SEMA3D: variants seen among roughly 807,000 people sequenced by gnomAD.
SEMA3D encodes semaphorin 3D, also known as semaphorin-3D.
In SEMA3D, 84 loss-of-function variants were observed where a neutral mutation model predicts 100.1. That is an observed-to-expected ratio of 0.84 (90% CI 0.70 to 1.01). The LOEUF is 1.01. Ranked by LOEUF, SEMA3D falls within the 50% of genes least tolerant of loss-of-function variation. The probability of loss-of-function intolerance (pLI) is 0.00; values close to 1 mark genes in which losing one functional copy is unlikely to be tolerated. For synonymous variants in SEMA3D, 312 were observed against 320.7 expected (o/e 0.97, Z 0.29); for missense variants, 875 against 934.1 (o/e 0.94, Z 0.82).
At chr7:85,108,912 A>C (rs967105183) in intron 3 of SEMA3D, among the ~76,000 whole-genome samples, 1 of 151,892 alleles carries the variant, frequency 6.6e-6, no homozygotes, top group African/African-American at 2.4e-5. Flanking sequence ...AAAGAAGTGA[A>C]GTACAATAAT....
chr7:85,069,720 CATTT>C (rs1562804752), intron 6 of SEMA3D, among the ~76,000 whole-genome samples: 1 of 152,104 alleles, frequency 6.6e-6, no homozygotes, highest in Admixed American at 6.6e-5. Context: ...AGTAAGAAAA[CATTT>C]ATTTATCACA....
chr7:85,011,622 A>C (rs1789955715), intron 17 of SEMA3D, among the ~76,000 whole-genome samples: 1 of 151,728 alleles, frequency 6.6e-6, no homozygotes, highest in Non-Finnish European at 1.5e-5. Flanking sequence ...TATCCTCAAT[A>C]CCTATAATCA....
chr7:85,077,458 T>A (rs572312538), intron 5 of SEMA3D, among the ~76,000 whole-genome samples: 2 of 152,136 alleles, frequency 1.3e-5, no homozygotes, highest in South Asian at 4.1e-4. Flanking sequence ...ATATTATATA[T>A]GTTTTATAAG....
At chr7:85,007,484 T>C (rs1164386864) in intron 17 of SEMA3D, among the ~76,000 whole-genome samples, 1 of 151,820 alleles carries the variant, frequency 6.6e-6, no homozygotes, top group Non-Finnish European at 1.5e-5. Context: ...TAATACTCAA[T>C]ATCTGGGCCT....
chr7:85,113,325 A>G (rs1035232950), intron 3 of SEMA3D, among the ~76,000 whole-genome samples: 5 of 152,182 alleles, frequency 3.3e-5, no homozygotes, highest in Non-Finnish European at 5.9e-5. Flanking sequence ...AGAATTCGCC[A>G]CATGAACTGA....
chr7:85,119,561 C>T (rs768884108), intron 3 of SEMA3D, among the ~76,000 whole-genome samples: 1 of 151,964 alleles, frequency 6.6e-6, no homozygotes, highest in South Asian at 2.1e-4. Flanking sequence ...TAACCAATGA[C>T]AACACGTGGA....
upstream of SEMA3D, among the ~76,000 whole-genome samples, chr7:85,190,742 A>T (rs185796507): frequency 2.6e-4 from 40 of 152,302 alleles, no homozygotes; most frequent in Non-Finnish European, 5.3e-4. Context: ...CATCAGATAA[A>T]GACAGAAAAC....
chr7:85,028,375 C>T (rs1227491421), intron 12 of SEMA3D: 4 of 336,960 alleles, frequency 1.2e-5, no homozygotes, highest in Non-Finnish European at 2.0e-5. Flanking sequence ...CTATTGCTTA[C>T]AGTTTAGACA....
At chr7:85,168,082 G>T (rs571995367) in intron 1 of SEMA3D, among the ~76,000 whole-genome samples, 1 of 151,912 alleles carries the variant, frequency 6.6e-6, no homozygotes, top group South Asian at 2.1e-4. Flanking sequence ...AAGTTTGACA[G>T]AATTTTATAC....
the SEMA3D span, among the ~76,000 whole-genome samples, chr7:85,222,218 G>A: frequency 6.6e-6 from 1 of 151,902 alleles, no homozygotes; most frequent in Non-Finnish European, 1.5e-5. Flanking sequence ...TTTTGAAGGT[G>A]ATTTGATATT....
upstream of SEMA3D, among the ~76,000 whole-genome samples, chr7:85,189,270 G>A (rs12537371): frequency 0.011 from 1,743 of 152,122 alleles, 75 homozygotes; most frequent in East Asian, 0.14. Flanking sequence ...TGTGTTAAAC[G>A]AGTTAATAAA....
chr7:85,191,079 TG>T (rs1791684786), upstream of SEMA3D, among the ~76,000 whole-genome samples: 1 of 152,106 alleles, frequency 6.6e-6, no homozygotes, highest in Non-Finnish European at 1.5e-5. Flanking sequence ...TTTACTTAGC[TG>T]GGTTGGGGTG....
At chr7:85,051,595 A>G (rs918409715) in intron 9 of SEMA3D, among the ~76,000 whole-genome samples, 3 of 151,870 alleles carry the variant, frequency 2.0e-5, no homozygotes, top group South Asian at 2.1e-4. Flanking sequence ...AGGCACTTCC[A>G]TAACTTCAAG....
At chr7:85,157,662 G>A in intron 1 of SEMA3D, 1 of 983,004 alleles carries the variant, frequency 1.0e-6, no homozygotes, top group Non-Finnish European at 1.2e-6. Flanking sequence ...AACATTGTTT[G>A]GGGAGAACAA....
At chr7:85,039,875 G>A (rs940495600) in intron 11 of SEMA3D, among the ~76,000 whole-genome samples, 28 of 150,836 alleles carry the variant, frequency 1.9e-4, no homozygotes, top group African/African-American at 6.3e-4. Context: ...CCTTACCAAT[G>A]AACTTAACCA....
chr7:85,040,726 G>A lies in SEMA3D; in HGVS notation c.993C>T (p.Leu331=), dbSNP rs1180028944. 1 of 1,424,912 alleles carries A rather than the reference G, an allele frequency of 7.0e-7. No homozygotes were observed. Among genetic ancestry groups the A allele is most frequent in the Non-Finnish European group, 9.9e-7 (1 of 1,010,868 alleles). The allele number at this position is 1,424,912 out of a possible 1,614,324, so 88.3% of individuals were successfully genotyped here. ...YFDELQDIYL[L]PTRDERNPVV... ...CAGGATTTCTTTCATCTCTTGTGGGGAGTAAATAAATATCTTCTATTAAAG... is the reference window on the plus strand; with the variant it reads ...CAGGATTTCTTTCATCTCTTGTGGGAAGTAAATAAATATCTTCTATTAAAG... Residue 331 remains leucine (L), a synonymous_variant, in exon 11 of 19, where the codon CTC becomes CTT. Transcript: ENST00000284136.
intron 4 of SEMA3D, among the ~76,000 whole-genome samples, chr7:85,083,977 C>A (rs992670876): frequency 6.6e-6 from 1 of 150,620 alleles, no homozygotes; most frequent in African/African-American, 2.4e-5. Context: ...GAAACTCTGT[C>A]TCTATTAAAA....
upstream of SEMA3D, among the ~76,000 whole-genome samples, chr7:85,189,958 C>T (rs1226142146): frequency 3.3e-5 from 5 of 151,994 alleles, no homozygotes; most frequent in African/African-American, 7.3e-5. Flanking sequence ...ATGTTGAGAG[C>T]CATGGGAGAA....
intron 12 of SEMA3D, among the ~76,000 whole-genome samples, chr7:85,036,353 A>G (rs1464470176): frequency 6.6e-6 from 1 of 152,134 alleles, no homozygotes; most frequent in Non-Finnish European, 1.5e-5. Flanking sequence ...ATACTATTTG[A>G]AAAAAATTTT....
Sources: gnomAD v4.1 joint callset for allele counts (sites outside exome capture counted in the v4.1 genomes callset) on GRCh38, gnomAD v4.1.1 for gene constraint, MANE v1.5 for transcripts, NCBI Gene and HGNC (gene_info 2026-07-23, HGNC 2026-07-21) for gene names.